NDC1: variants seen among roughly 807,000 people sequenced by gnomAD.
The protein encoded by NDC1 is nucleoporin NDC1.
NDC1 carries 24 observed loss-of-function variants against 89.8 expected under a neutral mutation model. The ratio of observed to expected loss-of-function variants is 0.27; its 90% CI spans 0.19 to 0.38. NDC1 has a LOEUF of 0.38. Among genes scored for constraint, NDC1 ranks in the 10% least tolerant of loss-of-function variants. The probability of loss-of-function intolerance (pLI) is 1.00; values close to 1 mark genes in which losing one functional copy is unlikely to be tolerated. For missense variants in NDC1, 728 were observed against 797.6 expected, an observed-to-expected ratio of 0.91 and a Z score of 1.05; for synonymous variants, 296 against 284.8, an observed-to-expected ratio of 1.04 and a Z score of -0.39.
At position 53,835,501 on chromosome 1, in the gene NDC1, A is replaced by G; in HGVS notation, c.177T>C (p.Ser59=). The stretch of plus-strand genomic sequence containing the variant: ...CTCCCCAAGTTGAGTATCACCTACC[A>G]GACAGCCACTGTATAGGATGAAACA... ...IDLFHPIQWL[S]DSFSDLYSSY... The change falls in exon 2 of 18, where the codon TCT becomes TCC. Residue 59 remains serine, a splice_region_variant and synonymous_variant. Coordinates refer to ENST00000371429, the MANE Select transcript of NDC1 (RefSeq NM_018087.5). The G allele has an allele frequency of 6.2e-7, 1 of 1,605,376 alleles. No individual in the cohort carries two copies. Among genetic ancestry groups the G allele is most frequent in the Non-Finnish European group, 8.5e-7 (1 of 1,177,408 alleles).
intron 15 of NDC1, among the ~76,000 whole-genome samples, chr1:53,788,767 G>T (rs1647391562): frequency 6.6e-6 from 1 of 152,006 alleles, no homozygotes; most frequent in Admixed American, 6.6e-5. Flanking sequence ...AGGGCGTGGT[G>T]GTATGCAACT....
chr1:53,810,305 TGGAATTGCGCATACTAAAAGG>T (rs1557581923), intron 6 of NDC1, among the ~76,000 whole-genome samples: 1 of 151,964 alleles, frequency 6.6e-6, no homozygotes, highest in Non-Finnish European at 1.5e-5. Context: ...ATACTAAAAT[TGGAATTGCGCATACTAAAAGG>T]GGAATTGCGC....
At chr1:53,815,443 G>A (rs1648445600) in intron 6 of NDC1, among the ~76,000 whole-genome samples, 1 of 152,062 alleles carries the variant, frequency 6.6e-6, no homozygotes, top group South Asian at 2.1e-4. Flanking sequence ...GGCATACAAG[G>A]GCCATAACTT....
At position 53,800,553 on chromosome 1, in the gene NDC1, T is replaced by C; in HGVS notation, c.1222+140A>G. 9.0e-6 allele frequency: 7 copies of C among 777,454 alleles called. No homozygotes were observed. In the South Asian group the frequency reaches 1.0e-4, roughly 11 times the overall value. 48.2% of individuals were successfully genotyped at this position (777,454 alleles called of 1,614,324 possible). A position where few individuals can be genotyped will look rare whatever the true frequency, so the allele number is the denominator to read the frequency against. On this transcript the variant is annotated intron_variant, in intron 11 of 17. Transcript: ENST00000371429. Reference sequence around the variant, plus strand: ...TGTGGGTCAGGATGGTCTCGATCTCTTGACCTCATGATCCGCCCACCTCGG... The same window carrying C: ...TGTGGGTCAGGATGGTCTCGATCTCCTGACCTCATGATCCGCCCACCTCGG...
intron 5 of NDC1, among the ~76,000 whole-genome samples, chr1:53,821,695 G>A (rs938569431): frequency 6.6e-6 from 1 of 152,150 alleles, no homozygotes; most frequent in African/African-American, 2.4e-5. Context: ...GAAGCAGGTC[G>A]ACATTTCAGC....
chr1:53,807,593 T>C, intron 8 of NDC1, 63 bp downstream of exon 8: 1 of 1,454,856 alleles, frequency 6.9e-7, no homozygotes, highest in Non-Finnish European at 9.3e-7. Context: ...TGTGCTCTGC[T>C]AAAAATCAAC....
intron 16 of NDC1, among the ~76,000 whole-genome samples, chr1:53,778,291 A>C (rs1340048159): frequency 6.6e-6 from 1 of 150,854 alleles, no homozygotes; most frequent in East Asian, 1.9e-4. Context: ...ACACACACAC[A>C]CACACTGTCA....
chr1:53,771,863 G>A (rs1647115761), intron 17 of NDC1, among the ~76,000 whole-genome samples: 1 of 152,152 alleles, frequency 6.6e-6, no homozygotes, highest in African/African-American at 2.4e-5. Context: ...CTCTGGTTCT[G>A]TTTCTCAAGG....
intron 10 of NDC1, among the ~76,000 whole-genome samples, chr1:53,801,394 T>A (rs781488002): frequency 3.3e-5 from 5 of 152,220 alleles, no homozygotes; most frequent in Non-Finnish European, 5.9e-5. Context: ...GATCACACTT[T>A]ACACTCAGAG....
intron 6 of NDC1, among the ~76,000 whole-genome samples, chr1:53,811,774 G>A (rs1012131168): frequency 1.3e-5 from 2 of 151,772 alleles, no homozygotes; most frequent in African/African-American, 4.8e-5. Flanking sequence ...TCCGGAAAGC[G>A]CCACCTCCTG....
chr1:53,795,059 G>A (rs1352079464), intron 13 of NDC1, among the ~76,000 whole-genome samples: 1 of 152,064 alleles, frequency 6.6e-6, no homozygotes, highest in Non-Finnish European at 1.5e-5. Flanking sequence ...AACAGCTCTT[G>A]TCAAGGACTC....
intron 5 of NDC1, among the ~76,000 whole-genome samples, chr1:53,823,573 C>T (rs1648743371): frequency 6.6e-6 from 1 of 152,208 alleles, no homozygotes; most frequent in Non-Finnish European, 1.5e-5. Flanking sequence ...TGGTCACTTT[C>T]AACTGGGGAC....
chr1:53,807,963 C>T (rs1263268664), intron 7 of NDC1, among the ~76,000 whole-genome samples, 172 bp from the exon 8 acceptor site: 3 of 152,194 alleles, frequency 2.0e-5, no homozygotes, highest in Non-Finnish European at 4.4e-5. Context: ...TTATGAGGTA[C>T]ATGAGGGAGC....
chr1:53,811,994 C>T (rs1271962959), intron 6 of NDC1, among the ~76,000 whole-genome samples: 1 of 152,092 alleles, frequency 6.6e-6, no homozygotes, highest in Non-Finnish European at 1.5e-5. Flanking sequence ...GTGGCTAGAC[C>T]CAGAAGAGAA....
At chr1:53,809,637 G>C in intron 7 of NDC1, 58 bp downstream of exon 7, 2 of 1,262,904 alleles carry the variant, frequency 1.6e-6, no homozygotes, top group Non-Finnish European at 2.3e-6. Context: ...CTGGAAAATA[G>C]CAAACATCTA....
At chr1:53,787,793 C>T (rs994458796) in intron 15 of NDC1, among the ~76,000 whole-genome samples, 3 of 150,466 alleles carry the variant, frequency 2.0e-5, no homozygotes, top group African/African-American at 4.9e-5. Flanking sequence ...ATAACAGTCT[C>T]TGGCTTTACA....
chr1:53,769,327 T>A (rs1647092665), intron 17 of NDC1, among the ~76,000 whole-genome samples: 1 of 152,182 alleles, frequency 6.6e-6, no homozygotes, highest in Non-Finnish European at 1.5e-5. Context: ...AGTCTAGAGA[T>A]CTAATGTATA....
chr1:53,785,233 T>C (rs1386190533), intron 16 of NDC1, among the ~76,000 whole-genome samples: 2 of 152,234 alleles, frequency 1.3e-5, no homozygotes, highest in Non-Finnish European at 2.9e-5. Flanking sequence ...TGTACCATTA[T>C]TGTTGTTTTA....
In NDC1 at chr1:53,807,773, A is replaced by C; in HGVS notation, c.774T>G (p.Leu258=). 1 of 1,608,582 alleles carries C rather than the reference A, an allele frequency of 6.2e-7. No homozygotes were observed. Among genetic ancestry groups the C allele is most frequent in the South Asian group, 1.1e-5 (1 of 89,570 alleles). Residue 258 remains leucine (L), a synonymous_variant, in exon 8 of 18, where the codon CTT becomes CTG. Transcript: ENST00000371429. The stretch of plus-strand genomic sequence containing the variant: ...GATTTAAGAGGCCACTCACTGTGTC[A>C]AGTGGCCTATGAACCTGCCTGTGAA... ...LHIDEQVHRP[L]DTVSGLLNLS...
Sources: gnomAD v4.1 joint callset for allele counts (sites outside exome capture counted in the v4.1 genomes callset) on GRCh38, gnomAD v4.1.1 for gene constraint, MANE v1.5 for transcripts, NCBI Gene and HGNC (gene_info 2026-07-23, HGNC 2026-07-21) for gene names.